RYR3: variants seen among roughly 807,000 people sequenced by gnomAD.
The protein encoded by RYR3 is brain ryanodine receptor-calcium release channel.
A neutral mutation model predicts 584.3 loss-of-function variants in RYR3; 207 were observed. That is an observed-to-expected ratio of 0.35 (90% confidence interval 0.32 to 0.40). The LOEUF (loss-of-function observed/expected upper bound fraction) is 0.40. RYR3 is among the 10% of genes least tolerant of loss of function. RYR3 has a pLI of 1.00. For missense variants in RYR3, 5,616 were observed against 6,089.2 expected, an observed-to-expected ratio of 0.92 and a Z score of 2.59; for synonymous variants, 2,416 against 2,248.5, an observed-to-expected ratio of 1.07 and a Z score of -2.11.
At chr15:33,643,614 A>G (rs1342217820) in intron 27 of RYR3, among the ~76,000 whole-genome samples, 1 of 151,806 alleles carries the variant, frequency 6.6e-6, no homozygotes, top group African/African-American at 2.4e-5. Context: ...AACAAGCACA[A>G]TCATAGTGCT....
At chr15:33,512,032 C>T (rs1284137031) in intron 3 of RYR3, among the ~76,000 whole-genome samples, 1 of 152,182 alleles carries the variant, frequency 6.6e-6, no homozygotes, top group African/African-American at 2.4e-5. Context: ...CCCGCCTCGG[C>T]CTTCCAAAGT....
chr15:33,700,841 T>C (rs762076794), intron 41 of RYR3, 136 bp from the exon 42 acceptor site: 72 of 574,942 alleles, frequency 1.3e-4, no homozygotes, highest in Non-Finnish European at 1.8e-4. Flanking sequence ...GACTGTCCCA[T>C]TGGAGAACGG....
At chr15:33,442,188 G>A (rs1448779256) in intron 1 of RYR3, among the ~76,000 whole-genome samples, 2 of 152,112 alleles carry the variant, frequency 1.3e-5, no homozygotes, top group Admixed American at 6.5e-5. Context: ...TGTGAAAGTT[G>A]ACTCCAATGA....
At chr15:33,797,826 C>A (rs983333625) in intron 67 of RYR3, among the ~76,000 whole-genome samples, 1 of 152,192 alleles carries the variant, frequency 6.6e-6, no homozygotes, top group African/African-American at 2.4e-5. Context: ...TAAACCAAAA[C>A]ACTAAGGAAT....
intron 29 of RYR3, 71 bp downstream of exon 29, chr15:33,646,597 C>A: frequency 1.4e-6 from 2 of 1,394,208 alleles, no homozygotes; most frequent in Non-Finnish European, 2.0e-6. Flanking sequence ...CTGCTTTTTA[C>A]CCTAACTCAG....
chr15:33,591,071 T>C (rs965095487), intron 16 of RYR3, among the ~76,000 whole-genome samples: 11 of 152,172 alleles, frequency 7.2e-5, no homozygotes, highest in African/African-American at 2.4e-4. Flanking sequence ...CTGAATGCAC[T>C]TTACCCTTTG....
intron 38 of RYR3, among the ~76,000 whole-genome samples, chr15:33,690,245 G>A (rs2065318621): frequency 6.6e-6 from 1 of 152,190 alleles, no homozygotes; most frequent in African/African-American, 2.4e-5. Context: ...TGCAGCCTCA[G>A]CATAATACAA....
chr15:33,648,408 C>G (rs1349771460), intron 30 of RYR3, among the ~76,000 whole-genome samples: 1 of 152,156 alleles, frequency 6.6e-6, no homozygotes, highest in East Asian at 1.9e-4. Flanking sequence ...AAATGATGAG[C>G]TAGTCACCTG....
At position 33,865,269 on chromosome 15, in the gene RYR3, C is replaced by A. The variant is rs2153030025; in HGVS notation, c.*43C>A. 1.4e-6 allele frequency: 2 copies of A among 1,429,118 alleles called. No homozygotes were observed. Among genetic ancestry groups the A allele is most frequent in the Non-Finnish European group, 2.0e-6 (2 of 1,019,888 alleles). The allele number at this position is 1,429,118 out of a possible 1,614,324, so 88.5% of individuals were successfully genotyped here. A position where few individuals can be genotyped will look rare whatever the true frequency, so the allele number is the denominator to read the frequency against. ...GCGACAATTCTGGACAGTCAACTTCCCATGAAATAAAGTCCCCTTTTTACA... is the reference window on the plus strand; with the variant it reads ...GCGACAATTCTGGACAGTCAACTTCACATGAAATAAAGTCCCCTTTTTACA... On this transcript the variant is annotated 3_prime_UTR_variant, in exon 104 of 104. Transcript: ENST00000634891.
chr15:33,743,072 G>A (rs1191182594), intron 52 of RYR3, among the ~76,000 whole-genome samples: 3 of 152,196 alleles, frequency 2.0e-5, no homozygotes, highest in African/African-American at 7.2e-5. Flanking sequence ...ATTCCTGTGG[G>A]CAGCCAGTTA....
intron 1 of RYR3, among the ~76,000 whole-genome samples, chr15:33,352,196 T>A (rs2140938041): frequency 6.6e-6 from 1 of 152,318 alleles, no homozygotes; most frequent in East Asian, 1.9e-4. Context: ...ATATTTTCAG[T>A]CTTTATCAAA....
intron 1 of RYR3, among the ~76,000 whole-genome samples, chr15:33,324,195 A>G (rs1355811927): frequency 1.3e-5 from 2 of 152,174 alleles, no homozygotes; most frequent in African/African-American, 4.8e-5. Flanking sequence ...ATGTTACTAT[A>G]CATCCTCTTG....
chr15:33,492,714 T>C (rs1001324518), intron 2 of RYR3, among the ~76,000 whole-genome samples: 3 of 152,168 alleles, frequency 2.0e-5, no homozygotes, highest in African/African-American at 7.2e-5. Context: ...CCCAAAGTGA[T>C]AAATGATGCT....
Position 33,612,941 on chromosome 15 carries a change from C to T in RYR3, c.2165-242C>T, listed in dbSNP as rs139411945. 3.3e-3 allele frequency among the ~76,000 whole-genome samples: 505 copies of T among 152,326 alleles called. 2 individuals carry two copies. The highest frequency in any genetic ancestry group is 0.011 in the African/African-American group (475 of 41,568). On this transcript the variant is annotated intron_variant, in intron 18 of 103. Transcript: ENST00000634891. ...ATTCTTAGCAGCTTGAGCATTTCCC[C>T]TGAGACTCATCGCAAATCAGGCATG...
chr15:33,599,186 G>C (rs1011549994), intron 16 of RYR3, among the ~76,000 whole-genome samples: 2 of 152,048 alleles, frequency 1.3e-5, no homozygotes, highest in Non-Finnish European at 2.9e-5. Flanking sequence ...CCATAAGTTA[G>C]CTCATGCTGG....
intron 42 of RYR3, among the ~76,000 whole-genome samples, chr15:33,703,432 G>A (rs1163561635): frequency 1.3e-5 from 2 of 152,210 alleles, no homozygotes; most frequent in African/African-American, 2.4e-5. Context: ...GGTTTCTTCT[G>A]AGGCTTCACC....
chr15:33,377,446 C>T (rs1198240395), intron 1 of RYR3, among the ~76,000 whole-genome samples: 2 of 152,166 alleles, frequency 1.3e-5, no homozygotes, highest in African/African-American at 2.4e-5. Context: ...CATATCTAAC[C>T]GTCCAGTACT....
At chr15:33,504,057 T>C (rs2052246560) in intron 3 of RYR3, among the ~76,000 whole-genome samples, 1 of 152,232 alleles carries the variant, frequency 6.6e-6, no homozygotes, top group African/African-American at 2.4e-5. Context: ...GGTCTTGAGA[T>C]TGAGCATGCC....
intron 1 of RYR3, among the ~76,000 whole-genome samples, chr15:33,317,692 CAA>C (rs1221168951): frequency 2.0e-5 from 3 of 152,092 alleles, no homozygotes; most frequent in African/African-American, 7.2e-5. Flanking sequence ...TGTTAGAAAA[CAA>C]AGTTCAGATC....
Sources: allele counts gnomAD v4.1 joint callset (sites outside exome capture counted in the v4.1 genomes callset), GRCh38; gene constraint gnomAD v4.1.1; transcripts MANE v1.5; gene names NCBI Gene and HGNC (gene_info 2026-07-23, HGNC 2026-07-21).